CNTNAP2: variants seen among roughly 807,000 people sequenced by gnomAD.
CNTNAP2 encodes contactin associated protein 2, also known as contactin-associated protein-like 2.
CNTNAP2 carries 98 observed loss-of-function variants against 155.2 expected under a neutral mutation model. That is an observed-to-expected ratio of 0.63 (90% CI 0.54 to 0.75). The LOEUF is 0.75. Among genes scored for constraint, CNTNAP2 ranks in the 30% least tolerant of loss-of-function variants. The pLI, the probability that CNTNAP2 is intolerant of heterozygous loss-of-function variation, is 0.00. For synonymous variants in CNTNAP2, 651 were observed against 631.2 expected (o/e 1.03, Z -0.47); for missense variants, 1,727 against 1,688.1 (o/e 1.02, Z -0.40).
chr7:147,404,393 A>T (rs1208893405), intron 10 of CNTNAP2, among the ~76,000 whole-genome samples: 2 of 152,202 alleles, frequency 1.3e-5, no homozygotes, highest in South Asian at 2.1e-4. Flanking sequence ...CAACTTAAAC[A>T]TATAGAAAAA....
intron 1 of CNTNAP2, among the ~76,000 whole-genome samples, chr7:146,529,247 A>G (rs923641992): frequency 2.6e-5 from 4 of 152,154 alleles, no homozygotes; most frequent in African/African-American, 9.7e-5. Context: ...ATTTTTTTGT[A>G]TGTTAACAAA....
chr7:148,187,767 A>AAAG (rs1795143457), intron 18 of CNTNAP2, among the ~76,000 whole-genome samples: 1 of 152,174 alleles, frequency 6.6e-6, no homozygotes. Flanking sequence ...TCCTCTAGCC[A>AAAG]AAGGATAATG....
chr7:146,547,419 A>G (rs1486573540), intron 1 of CNTNAP2, among the ~76,000 whole-genome samples: 1 of 151,984 alleles, frequency 6.6e-6, no homozygotes, highest in African/African-American at 2.4e-5. Context: ...TGCTGACTAC[A>G]GGCACAATGT....
chr7:147,292,042 G>A (rs1441608288), intron 8 of CNTNAP2, among the ~76,000 whole-genome samples: 6 of 151,944 alleles, frequency 3.9e-5, no homozygotes, highest in South Asian at 2.1e-4. Flanking sequence ...CTTTCTTGCC[G>A]TGGATTTTAT....
At chr7:147,403,169 A>G (rs1796947584) in intron 10 of CNTNAP2, among the ~76,000 whole-genome samples, 1 of 152,162 alleles carries the variant, frequency 6.6e-6, no homozygotes, top group Admixed American at 6.5e-5. Context: ...TATTAATTCC[A>G]TGTCTTTAAA....
chr7:148,103,627 T>G (rs2066890), intron 15 of CNTNAP2, among the ~76,000 whole-genome samples: 1,535 of 133,448 alleles, frequency 0.012, 29 homozygotes, highest in African/African-American at 0.047. Flanking sequence ...GTGTCTAAGC[T>G]CCAATGCTTC....
intron 1 of CNTNAP2, among the ~76,000 whole-genome samples, chr7:146,313,974 G>A (rs1800868025): frequency 6.6e-6 from 1 of 151,990 alleles, no homozygotes; most frequent in South Asian, 2.1e-4. Flanking sequence ...ACTCCGGTCT[G>A]TATGAAAGAA....
intron 1 of CNTNAP2, among the ~76,000 whole-genome samples, chr7:146,625,301 GT>G (rs1799400360): frequency 6.6e-6 from 1 of 151,798 alleles, no homozygotes; most frequent in Admixed American, 6.6e-5. Context: ...ACCTGAATCT[GT>G]TTTGAAGGGA....
chr7:147,012,488 T>G (rs1000751282), intron 3 of CNTNAP2, among the ~76,000 whole-genome samples: 1 of 152,130 alleles, frequency 6.6e-6, no homozygotes, highest in Non-Finnish European at 1.5e-5. Context: ...AAGTAGTACT[T>G]TTGAAAACGT....
In CNTNAP2 at chr7:146,211,208, A is replaced by C. The variant is rs539772565; in HGVS notation, c.97+94235A>C. 5.3e-5 allele frequency among the ~76,000 whole-genome samples: 8 copies of C among 152,328 alleles called. No homozygotes were observed. The South Asian group carries it at 1.7e-3, about 32-fold the overall frequency. On this transcript the variant is annotated intron_variant, in intron 1 of 23. Transcript: ENST00000361727. ...TATGTAAGTTGCTTAAAGATTAGGA[A>C]ATCAGTTACTGTGCATAAAGTTGAC...
chr7:147,257,941 T>A (rs1332161975), intron 8 of CNTNAP2, among the ~76,000 whole-genome samples: 1 of 152,172 alleles, frequency 6.6e-6, no homozygotes, highest in African/African-American at 2.4e-5. Flanking sequence ...ACATAATGAG[T>A]GCAAATATTT....
At chr7:147,472,929 T>A (rs62482791) in intron 10 of CNTNAP2, among the ~76,000 whole-genome samples, 1 of 151,634 alleles carries the variant, frequency 6.6e-6, no homozygotes. Context: ...AGTTTCAGGC[T>A]CTCAAAGTCT....
chr7:146,824,972 A>G (rs111827925), intron 2 of CNTNAP2, among the ~76,000 whole-genome samples: 1,894 of 152,130 alleles, frequency 0.012, 29 homozygotes, highest in Non-Finnish European at 0.018. Context: ...AGCCTATTAA[A>G]GAAATTCTTT....
At chr7:148,002,853 G>T (rs1487444660) in intron 15 of CNTNAP2, among the ~76,000 whole-genome samples, 1 of 152,048 alleles carries the variant, frequency 6.6e-6, no homozygotes, top group Non-Finnish European at 1.5e-5. Flanking sequence ...ACTGTTACCG[G>T]TACACTTGTT....
chr7:146,799,576 G>A (rs748303991), intron 2 of CNTNAP2, among the ~76,000 whole-genome samples: 11 of 152,242 alleles, frequency 7.2e-5, no homozygotes, highest in East Asian at 5.8e-4. Flanking sequence ...CTTGAGTAGC[G>A]CTAAGATTGG....
intron 3 of CNTNAP2, among the ~76,000 whole-genome samples, chr7:146,967,400 A>C (rs1016102751): frequency 2.2e-4 from 33 of 152,322 alleles, no homozygotes; most frequent in African/African-American, 7.9e-4. Flanking sequence ...TACCTTGGGC[A>C]GTACGGCCAT....
At chr7:147,982,587 T>C (rs1801549598) in intron 15 of CNTNAP2, among the ~76,000 whole-genome samples, 1 of 152,206 alleles carries the variant, frequency 6.6e-6, no homozygotes, top group African/African-American at 2.4e-5. Context: ...AAGATACTGA[T>C]GGAGATTCAT....
At chr7:146,333,349 G>T (rs1801217302) in intron 1 of CNTNAP2, among the ~76,000 whole-genome samples, 1 of 152,096 alleles carries the variant, frequency 6.6e-6, no homozygotes, top group East Asian at 1.9e-4. Flanking sequence ...GGTGATGATT[G>T]TAATTTACTT....
intron 1 of CNTNAP2, among the ~76,000 whole-genome samples, chr7:146,309,527 C>T (rs1372245134): frequency 2.0e-5 from 3 of 152,002 alleles, no homozygotes; most frequent in Non-Finnish European, 2.9e-5. Flanking sequence ...ATAGGTGGGG[C>T]GCGGTGGCTC....
Sources: allele counts gnomAD v4.1 joint callset (sites outside exome capture counted in the v4.1 genomes callset), GRCh38; gene constraint gnomAD v4.1.1; transcripts MANE v1.5; gene names NCBI Gene and HGNC (gene_info 2026-07-23, HGNC 2026-07-21).